Variants in TMPRSS7 observed in about 807,000 individuals in gnomAD.
TMPRSS7 encodes transmembrane protease serine 7.
In TMPRSS7, 81 loss-of-function variants were observed where a neutral mutation model predicts 95.6. That is an observed-to-expected ratio of 0.85 (90% CI 0.71 to 1.02). The LOEUF is 1.02. Among genes scored for constraint, TMPRSS7 ranks in the 50% least tolerant of loss-of-function variants. The pLI, the probability that TMPRSS7 is intolerant of heterozygous loss-of-function variation, is 0.00. For missense variants in TMPRSS7, 945 were observed against 955.2 expected (o/e 0.99, Z 0.14); for synonymous variants, 364 against 337.8 (o/e 1.08, Z -0.85).
intron 17 of TMPRSS7, among the ~76,000 whole-genome samples, chr3:112,080,407 C>T (rs1329775190): frequency 2.0e-5 from 3 of 152,156 alleles, no homozygotes; most frequent in Non-Finnish European, 2.9e-5. Context: ...ACTAAAGTTG[C>T]ATGGCCCAGA....
At chr3:112,065,260 TA>T (rs2073561449) in intron 12 of TMPRSS7, among the ~76,000 whole-genome samples, 1 of 152,150 alleles carries the variant, frequency 6.6e-6, no homozygotes, top group South Asian at 2.1e-4. Flanking sequence ...CAAGCCAGTC[TA>T]AAACTCCTGA....
intron 14 of TMPRSS7, 97 bp downstream of exon 14, chr3:112,074,509 G>A (rs188194931): frequency 1.5e-5 from 14 of 921,834 alleles, no homozygotes; most frequent in Non-Finnish European, 2.1e-5. Flanking sequence ...TCCCTTGATC[G>A]AGGTTGCCAT....
rs149978796 is a variant in TMPRSS7, at chr3:112,072,314, T to C, written c.1667-1982T>C. On this transcript the variant is annotated intron_variant, in intron 13 of 17. Transcript: ENST00000452346. ...AGCAAATATTGCAGAGCAGCAAATA[T>C]TGCTGCCTGATCCTTCCTCTGGAAG... Among the ~76,000 whole-genome samples, 483 of 152,302 alleles carry C rather than the reference T, an allele frequency of 3.2e-3. 3 individuals carry two copies. Among genetic ancestry groups the C allele is most frequent in the African/African-American group, 0.011 (450 of 41,554 alleles).
chr3:112,039,555 G>A (rs143225627), intron 2 of TMPRSS7: 2 of 152,290 alleles, frequency 1.3e-5, no homozygotes, highest in African/African-American at 4.8e-5. Flanking sequence ...AATCACGAAT[G>A]CACAATGATT....
chr3:112,069,828 T>G (rs1344565205), intron 13 of TMPRSS7, among the ~76,000 whole-genome samples: 4 of 152,186 alleles, frequency 2.6e-5, no homozygotes, highest in Non-Finnish European at 4.4e-5. Flanking sequence ...TCTATCTCTT[T>G]CAGTTCTGCT....
intron 12 of TMPRSS7, 22 bp downstream of exon 12, chr3:112,063,654 A>G: frequency 3.2e-6 from 5 of 1,580,984 alleles, no homozygotes; most frequent in Non-Finnish European, 4.3e-6. Context: ...AGATTTTAAT[A>G]TGACTTTCTT....
At chr3:112,049,141 G>A (rs546618547) in intron 7 of TMPRSS7, among the ~76,000 whole-genome samples, 34 of 152,156 alleles carry the variant, frequency 2.2e-4, no homozygotes, top group Non-Finnish European at 4.3e-4. Context: ...TCTGCATACC[G>A]CACCAATTCA....
At chr3:112,053,353 G>C (rs1401563153) in intron 9 of TMPRSS7, among the ~76,000 whole-genome samples, 1 of 152,116 alleles carries the variant, frequency 6.6e-6, no homozygotes, top group Non-Finnish European at 1.5e-5. Flanking sequence ...TTCCAGCTGA[G>C]CTTTAAGGTC....
intron 1 of TMPRSS7, among the ~76,000 whole-genome samples, chr3:112,037,641 G>A (rs771102966): frequency 2.0e-5 from 3 of 152,138 alleles, no homozygotes; most frequent in African/African-American, 4.8e-5. Flanking sequence ...TTTGAAAATC[G>A]CTAATAAAAA....
At chr3:112,054,914 T>C (rs949512683) in intron 9 of TMPRSS7, among the ~76,000 whole-genome samples, 1 of 151,866 alleles carries the variant, frequency 6.6e-6, no homozygotes, top group African/African-American at 2.4e-5. Context: ...TAATTTTTTC[T>C]ATTTTTAGTA....
intron 13 of TMPRSS7, among the ~76,000 whole-genome samples, chr3:112,069,696 C>T (rs58840068): frequency 5.3e-5 from 8 of 151,970 alleles, no homozygotes; most frequent in Non-Finnish European, 1.0e-4. Context: ...TTTATTGAGT[C>T]TATTTGATTC....
At chr3:112,065,183 G>A (rs2073558610) in intron 12 of TMPRSS7, among the ~76,000 whole-genome samples, 1 of 152,066 alleles carries the variant, frequency 6.6e-6, no homozygotes, top group African/African-American at 2.4e-5. Context: ...TGGGAATACA[G>A]GCGCACACCA....
At chr3:112,067,343 C>A (rs533533341) in intron 13 of TMPRSS7, among the ~76,000 whole-genome samples, 1 of 152,148 alleles carries the variant, frequency 6.6e-6, no homozygotes, top group East Asian at 1.9e-4. Context: ...AGGTATATAC[C>A]CAGTAATGGG....
At chr3:112,066,644 G>T in intron 13 of TMPRSS7, 142 bp downstream of exon 13, 1 of 712,144 alleles carries the variant, frequency 1.4e-6, no homozygotes, top group Non-Finnish European at 2.3e-6. Flanking sequence ...AGCACTGAAA[G>T]TCCCTTGTCT....
chr3:112,076,887 C>T, exon 16 of TMPRSS7: 1 of 1,613,874 alleles, frequency 6.2e-7, no homozygotes, highest in Non-Finnish European at 8.5e-7. Flanking sequence ...CTGTCAGATC[C>T]CACACCATGG....
At chr3:112,077,077 C>T in exon 16 of TMPRSS7, 1 of 1,614,210 alleles carries the variant, frequency 6.2e-7, no homozygotes, top group Non-Finnish European at 8.5e-7. Flanking sequence ...GCATTCCTCC[C>T]ACTGGTCAGA....
At chr3:112,055,562 T>A (rs16859117) in intron 9 of TMPRSS7, among the ~76,000 whole-genome samples, 37,940 of 151,070 alleles carry the variant, frequency 0.25, 4,848 homozygotes, top group Middle Eastern at 0.29. Context: ...CTAAAGAAAA[T>A]GACAATAAGG....
chr3:112,054,578 T>C (rs965357121), intron 9 of TMPRSS7, among the ~76,000 whole-genome samples: 2 of 152,098 alleles, frequency 1.3e-5, no homozygotes, highest in African/African-American at 4.8e-5. Flanking sequence ...GATTGGAAGG[T>C]AGTGTTACAT....
chr3:112,057,151 T>C lies in TMPRSS7; in HGVS notation c.1310+20T>C. 10 of 1,541,246 alleles carry C rather than the reference T, an allele frequency of 6.5e-6. No homozygotes were observed. Among genetic ancestry groups the C allele is most frequent in the East Asian group, 2.2e-5 (1 of 44,532 alleles). Reference sequence around the variant, plus strand: ...GCACATGTAAGTGATTTTCATATGTTTTCATATGTGAGGCATCTGATGAAA... The same window carrying C: ...GCACATGTAAGTGATTTTCATATGTCTTCATATGTGAGGCATCTGATGAAA... On this transcript the variant is annotated intron_variant, in intron 10 of 17. Transcript: ENST00000452346.
Sources: gnomAD v4.1 joint callset for allele counts (sites outside exome capture counted in the v4.1 genomes callset) on GRCh38, gnomAD v4.1.1 for gene constraint, MANE v1.5 for transcripts, NCBI Gene and HGNC (gene_info 2026-07-23, HGNC 2026-07-21) for gene names.